FMN1: variants seen among roughly 807,000 people sequenced by gnomAD.
The protein encoded by FMN1 is formin-1.
In FMN1, 110 loss-of-function variants were observed where a neutral mutation model predicts 132.4. That is an observed-to-expected ratio of 0.83 (90% CI 0.71 to 0.97). The LOEUF (loss-of-function observed/expected upper bound fraction) is 0.97. Among genes scored for constraint, FMN1 ranks in the 50% least tolerant of loss-of-function variants. The pLI is 0.00. For missense variants in FMN1, 1,792 were observed against 1,705.3 expected, an observed-to-expected ratio of 1.05 and a Z score of -0.90; for synonymous variants, 722 against 651.7, an observed-to-expected ratio of 1.11 and a Z score of -1.64.
At chr15:33,039,252 C>T (rs550504870) in intron 6 of FMN1, among the ~76,000 whole-genome samples, 4 of 152,030 alleles carry the variant, frequency 2.6e-5, no homozygotes, top group South Asian at 2.1e-4. Context: ...GGGTAGAATT[C>T]GAAAGATAAA....
At chr15:32,893,369 C>T (rs1008014364) in intron 15 of FMN1, among the ~76,000 whole-genome samples, 7 of 150,054 alleles carry the variant, frequency 4.7e-5, no homozygotes, top group Non-Finnish European at 7.4e-5. Flanking sequence ...GTTTTGATTG[C>T]GTGTGTGTGT....
At chr15:32,812,946 A>G (rs934993948) in intron 17 of FMN1, among the ~76,000 whole-genome samples, 3 of 152,086 alleles carry the variant, frequency 2.0e-5, no homozygotes, top group Non-Finnish European at 4.4e-5. Flanking sequence ...GGCCCTCTGT[A>G]TCTGTGGGTT....
chr15:32,803,163 T>G (rs1466722805), intron 18 of FMN1, among the ~76,000 whole-genome samples: 1 of 152,200 alleles, frequency 6.6e-6, no homozygotes, highest in East Asian at 1.9e-4. Flanking sequence ...TATTTGCATT[T>G]AAATTCCTAA....
At chr15:32,812,304 T>C (rs2057909544) in intron 17 of FMN1, among the ~76,000 whole-genome samples, 1 of 152,200 alleles carries the variant, frequency 6.6e-6, no homozygotes, top group Admixed American at 6.5e-5. Flanking sequence ...AACTTACAAG[T>C]GACTTATAAT....
At chr15:32,943,932 T>C (rs2061450687) in intron 9 of FMN1, among the ~76,000 whole-genome samples, 1 of 152,174 alleles carries the variant, frequency 6.6e-6, no homozygotes, top group Non-Finnish European at 1.5e-5. Flanking sequence ...TGAGGTATGG[T>C]AGCCTATGGA....
chr15:33,182,707 G>C (rs537407017), intron 2 of FMN1, among the ~76,000 whole-genome samples: 1 of 152,060 alleles, frequency 6.6e-6, no homozygotes, highest in Non-Finnish European at 1.5e-5. Flanking sequence ...CTGCCCAGGC[G>C]CCATCTACCT....
chr15:32,998,675 T>C (rs895398957), intron 7 of FMN1, among the ~76,000 whole-genome samples: 1 of 152,214 alleles, frequency 6.6e-6, no homozygotes, highest in Non-Finnish European at 1.5e-5. Flanking sequence ...GTTCCAGCAG[T>C]AGCCCGTCAC....
At chr15:33,011,526 A>T (rs1000547551) in intron 6 of FMN1, among the ~76,000 whole-genome samples, 1 of 150,664 alleles carries the variant, frequency 6.6e-6, no homozygotes, top group Non-Finnish European at 1.5e-5. Context: ...TAGAAAAAAG[A>T]TTTCTTAATA....
chr15:32,849,050 C>A lies in FMN1; in HGVS notation c.3928+7965G>T, dbSNP rs142394218. On this transcript the variant is annotated intron_variant, in intron 17 of 20. Coordinates refer to ENST00000616417, the MANE Select transcript of FMN1 (RefSeq NM_001277313.2). ...CCATGCTGGAGTGCAGTGGCGCAAT[C>A]TCGGCTCACTGCAAGCTCTGCCTCC... 3.6e-3 allele frequency among the ~76,000 whole-genome samples: 494 copies of A among 135,504 alleles called. 3 individuals are homozygous for A. Among genetic ancestry groups the A allele is most frequent in the African/African-American group, 0.012 (467 of 37,498 alleles). The allele number at this position is 135,504 out of a possible 152,430, so 88.9% of individuals were successfully genotyped here. A position where few individuals can be genotyped will look rare whatever the true frequency, so the allele number is the denominator to read the frequency against.
intron 6 of FMN1, among the ~76,000 whole-genome samples, chr15:33,049,402 G>T (rs1473377129): frequency 6.6e-6 from 1 of 152,154 alleles, no homozygotes; most frequent in Non-Finnish European, 1.5e-5. Context: ...CTAAAAACAA[G>T]ATGTTCCAAC....
intron 3 of FMN1, among the ~76,000 whole-genome samples, chr15:33,157,319 T>C (rs1233208577): frequency 6.6e-6 from 1 of 152,094 alleles, no homozygotes; most frequent in Non-Finnish European, 1.5e-5. Flanking sequence ...ATGCTGTAAT[T>C]TCAAATAGGA....
intron 16 of FMN1, among the ~76,000 whole-genome samples, chr15:32,871,471 T>A (rs1190066669): frequency 2.0e-5 from 3 of 152,210 alleles, no homozygotes; most frequent in African/African-American, 4.8e-5. Context: ...TAAAATTTCA[T>A]CAGGTAGGCA....
intron 20 of FMN1, among the ~76,000 whole-genome samples, chr15:32,776,440 A>C (rs2056420091): frequency 6.6e-6 from 1 of 152,168 alleles, no homozygotes; most frequent in Non-Finnish European, 1.5e-5. Flanking sequence ...CTGCACTTCA[A>C]ATTTTCCAAC....
At chr15:33,013,302 A>G (rs1399408598) in intron 6 of FMN1, among the ~76,000 whole-genome samples, 1 of 152,256 alleles carries the variant, frequency 6.6e-6, no homozygotes, top group Non-Finnish European at 1.5e-5. Flanking sequence ...TGGAAAGTAT[A>G]AAGCATTCCA....
At chr15:33,181,044 C>A (rs1441482165) in intron 2 of FMN1, among the ~76,000 whole-genome samples, 1 of 152,208 alleles carries the variant, frequency 6.6e-6, no homozygotes. Context: ...AGCCACCATG[C>A]CCGGCCTCTC....
chr15:33,015,764 A>C (rs912192036), intron 6 of FMN1, among the ~76,000 whole-genome samples: 1 of 152,254 alleles, frequency 6.6e-6, no homozygotes, highest in East Asian at 1.9e-4. Context: ...GTGCTTCCAA[A>C]ACTTAGCACA....
At chr15:33,101,284 G>A (rs746209552) in intron 4 of FMN1, among the ~76,000 whole-genome samples, 14 of 152,076 alleles carry the variant, frequency 9.2e-5, no homozygotes, top group Non-Finnish European at 1.6e-4. Context: ...TATACTGGAG[G>A]AGGTTGGCGA....
chr15:32,985,468 T>G (rs1006980593), intron 7 of FMN1, among the ~76,000 whole-genome samples: 1 of 152,160 alleles, frequency 6.6e-6, no homozygotes, highest in Non-Finnish European at 1.5e-5. Flanking sequence ...TCTTCCAATA[T>G]CCTAGTTGAC....
chr15:33,006,665 A>T (rs913159749), intron 7 of FMN1, among the ~76,000 whole-genome samples: 3 of 151,738 alleles, frequency 2.0e-5, no homozygotes, highest in Non-Finnish European at 2.9e-5. Context: ...ACAAATGGTT[A>T]AAAAAAATGT....
Sources: allele counts gnomAD v4.1 joint callset (sites outside exome capture counted in the v4.1 genomes callset), GRCh38; gene constraint gnomAD v4.1.1; transcripts MANE v1.5; gene names NCBI Gene and HGNC (gene_info 2026-07-23, HGNC 2026-07-21).